Variants in SUMF1 observed in about 807,000 individuals in gnomAD.
SUMF1 encodes the protein formylglycine-generating enzyme.
In SUMF1, 48 loss-of-function variants were observed where a neutral mutation model predicts 47.6. That is an observed-to-expected ratio of 1.01 (90% CI 0.80 to 1.28). The LOEUF (loss-of-function observed/expected upper bound fraction) is 1.28, where lower values mean the gene tolerates loss of function less well. Ranked by LOEUF, SUMF1 falls within the 50% of genes most tolerant of loss-of-function variation. The pLI is 0.00. For synonymous variants in SUMF1, 230 were observed against 192.1 expected (o/e 1.20, Z -1.63); for missense variants, 571 against 485.4 (o/e 1.18, Z -1.66).
chr3:4,229,854 A>C (rs1696259215), intron 8 of SUMF1, among the ~76,000 whole-genome samples: 1 of 151,956 alleles, frequency 6.6e-6, no homozygotes, highest in Non-Finnish European at 1.5e-5. Context: ...TCTCTACAAA[A>C]AAAAATTAAT....
At chr3:4,119,460 C>G (rs1463584591) in intron 8 of SUMF1, among the ~76,000 whole-genome samples, 1 of 152,116 alleles carries the variant, frequency 6.6e-6, no homozygotes, top group Non-Finnish European at 1.5e-5. Context: ...GGATTCTTCA[C>G]TGGTCCTGAA....
intron 8 of SUMF1, among the ~76,000 whole-genome samples, chr3:4,078,500 TA>T (rs1201113441): frequency 2.0e-5 from 3 of 152,104 alleles, no homozygotes; most frequent in Non-Finnish European, 2.9e-5. Context: ...TAGGAGCCTC[TA>T]AAAAAATGAA....
chr3:4,139,902 T>C (rs896036121), intron 8 of SUMF1, among the ~76,000 whole-genome samples: 3 of 152,070 alleles, frequency 2.0e-5, no homozygotes, highest in African/African-American at 7.2e-5. Context: ...TTTGAACACA[T>C]GCTCTTGGCA....
chr3:4,232,486 C>A (rs1420248899), intron 8 of SUMF1, among the ~76,000 whole-genome samples: 3 of 151,956 alleles, frequency 2.0e-5, no homozygotes, highest in Admixed American at 2.0e-4. Context: ...CATAGAGAGA[C>A]AAGCACCTGA....
chr3:4,273,252 GGCAAAA>G (rs1371697786), intron 8 of SUMF1, among the ~76,000 whole-genome samples: 1 of 151,580 alleles, frequency 6.6e-6, no homozygotes, highest in Non-Finnish European at 1.5e-5. Flanking sequence ...TTTCATAATG[GGCAAAA>G]AATGGAAACA....
At chr3:4,275,110 C>T (rs1697384879) in intron 8 of SUMF1, among the ~76,000 whole-genome samples, 1 of 152,088 alleles carries the variant, frequency 6.6e-6, no homozygotes, top group Non-Finnish European at 1.5e-5. Flanking sequence ...AATTAGCCTC[C>T]AGACTGTACA....
At chr3:4,131,851 C>A (rs1693798782) in intron 8 of SUMF1, among the ~76,000 whole-genome samples, 1 of 152,122 alleles carries the variant, frequency 6.6e-6, no homozygotes, top group Admixed American at 6.6e-5. Context: ...CCTCTTTCCC[C>A]AGCCACCTCT....
intron 8 of SUMF1, among the ~76,000 whole-genome samples, chr3:4,259,560 T>C (rs1697040608): frequency 6.6e-6 from 1 of 152,166 alleles, no homozygotes; most frequent in African/African-American, 2.4e-5. Flanking sequence ...GGTTTTTATT[T>C]TTATTTTATT....
chr3:4,446,185 T>C (rs1455172006), intron 3 of SUMF1, among the ~76,000 whole-genome samples: 1 of 152,190 alleles, frequency 6.6e-6, no homozygotes, highest in Admixed American at 6.5e-5. Flanking sequence ...CCCATCCAAA[T>C]CTCATCTTGA....
intron 8 of SUMF1, among the ~76,000 whole-genome samples, chr3:4,070,666 C>T (rs572410925): frequency 6.6e-6 from 1 of 152,034 alleles, no homozygotes; most frequent in South Asian, 2.1e-4. Context: ...GGCAGAGTCT[C>T]ACTCTGCTGC....
intron 8 of SUMF1, among the ~76,000 whole-genome samples, chr3:4,187,681 C>A (rs994482215): frequency 2.6e-5 from 4 of 152,136 alleles, no homozygotes; most frequent in African/African-American, 7.2e-5. Context: ...TCACTAACTA[C>A]AGGTAGTATG....
chr3:4,217,235 A>G (rs1457230203), intron 8 of SUMF1, among the ~76,000 whole-genome samples: 1 of 151,586 alleles, frequency 6.6e-6, no homozygotes, highest in Non-Finnish European at 1.5e-5. Flanking sequence ...GAAGCTGGAA[A>G]CCATCACTCT....
chr3:4,039,208 AATTT>A (rs1042052674), intron 9 of SUMF1, among the ~76,000 whole-genome samples: 14 of 46,186 alleles, frequency 3.0e-4, no homozygotes, highest in East Asian at 2.0e-3. Context: ...CATCTATGCA[AATTT>A]TTTTTTTTTT....
At chr3:4,140,351 T>A (rs1273050059) in intron 8 of SUMF1, among the ~76,000 whole-genome samples, 1 of 152,058 alleles carries the variant, frequency 6.6e-6, no homozygotes, top group African/African-American at 2.4e-5. Context: ...ACAACCAACA[T>A]TCCTTGAAAA....
At chr3:4,204,670 CT>C (rs1023871703) in intron 8 of SUMF1, among the ~76,000 whole-genome samples, 3 of 151,892 alleles carry the variant, frequency 2.0e-5, no homozygotes, top group African/African-American at 4.8e-5. Context: ...CATGCCTTTT[CT>C]TTTTTTACTT....
intron 8 of SUMF1, among the ~76,000 whole-genome samples, chr3:4,274,671 C>T (rs1478640420): frequency 6.6e-6 from 1 of 152,184 alleles, no homozygotes; most frequent in African/African-American, 2.4e-5. Context: ...GAATATCCCA[C>T]TGTAAAACAT....
intron 8 of SUMF1, among the ~76,000 whole-genome samples, chr3:4,299,107 G>A (rs922185136): frequency 6.6e-6 from 1 of 152,176 alleles, no homozygotes; most frequent in Non-Finnish European, 1.5e-5. Flanking sequence ...TTCTTTTAAG[G>A]AAGGATAGGT....
At chr3:4,282,241 C>G (rs910656543) in intron 8 of SUMF1, among the ~76,000 whole-genome samples, 1 of 152,076 alleles carries the variant, frequency 6.6e-6, no homozygotes, top group African/African-American at 2.4e-5. Context: ...ACTTATCCAG[C>G]TGCAGAAAGA....
chr3:4,443,967 C>T (rs1702694445), intron 3 of SUMF1, among the ~76,000 whole-genome samples: 2 of 151,954 alleles, frequency 1.3e-5, no homozygotes, highest in African/African-American at 4.8e-5. Flanking sequence ...ATATTGAAAG[C>T]TTCTACCCCA....
Sources: gnomAD v4.1 joint callset for allele counts (sites outside exome capture counted in the v4.1 genomes callset) on GRCh38, gnomAD v4.1.1 for gene constraint, MANE v1.5 for transcripts, NCBI Gene and HGNC (gene_info 2026-07-23, HGNC 2026-07-21) for gene names.